RUNX1: variants seen among roughly 807,000 people sequenced by gnomAD.
RUNX1 encodes the protein RUNX family transcription factor 1.
A neutral mutation model predicts 42.8 loss-of-function variants in RUNX1; 19 were observed. The ratio of observed to expected loss-of-function variants is 0.44; its 90% confidence interval spans 0.31 to 0.65. RUNX1 has a LOEUF of 0.65. RUNX1 is among the 30% of genes least tolerant of loss of function. The probability of loss-of-function intolerance (pLI) is 0.07; values close to 1 mark genes in which losing one functional copy is unlikely to be tolerated. For synonymous variants in RUNX1, 271 were observed against 289.4 expected (o/e 0.94, Z 0.64); for missense variants, 528 against 672.0 (o/e 0.79, Z 2.37).
chr21:34,885,197 C>A (rs1401519039), intron 4 of RUNX1, among the ~76,000 whole-genome samples: 1 of 152,096 alleles, frequency 6.6e-6, no homozygotes. Flanking sequence ...TCTCTTAGAG[C>A]CCTAGTGCAT....
At chr21:34,988,512 C>T (rs1380196284) in intron 2 of RUNX1, among the ~76,000 whole-genome samples, 1 of 152,192 alleles carries the variant, frequency 6.6e-6, no homozygotes, top group African/African-American at 2.4e-5. Flanking sequence ...AAAAACTGTG[C>T]TGTGGGCACT....
intron 2 of RUNX1, among the ~76,000 whole-genome samples, chr21:34,900,899 T>A (rs76448646): frequency 0.015 from 2,233 of 152,356 alleles, 33 homozygotes; most frequent in Middle Eastern, 0.11. Context: ...TCCAATTGGT[T>A]AAACGATACT....
At chr21:34,968,862 C>T (rs577436645) in intron 2 of RUNX1, among the ~76,000 whole-genome samples, 1 of 152,120 alleles carries the variant, frequency 6.6e-6, no homozygotes, top group Non-Finnish European at 1.5e-5. Flanking sequence ...GCAGCGAGTG[C>T]CAAATTCATG....
At chr21:35,030,726 A>T (rs2059267077) in intron 2 of RUNX1, among the ~76,000 whole-genome samples, 1 of 152,176 alleles carries the variant, frequency 6.6e-6, no homozygotes, top group Non-Finnish European at 1.5e-5. Flanking sequence ...GACAACTAGG[A>T]TGGCTTCAAA....
intron 5 of RUNX1, among the ~76,000 whole-genome samples, chr21:34,872,185 A>T (rs2057748233): frequency 6.6e-6 from 1 of 152,184 alleles, no homozygotes; most frequent in Admixed American, 6.5e-5. Flanking sequence ...GTCCACTGAC[A>T]TCAATTCCCA....
At chr21:34,938,891 G>C (rs1181252947) in intron 2 of RUNX1, among the ~76,000 whole-genome samples, 4 of 152,052 alleles carry the variant, frequency 2.6e-5, no homozygotes, top group African/African-American at 7.3e-5. Context: ...ATGTGATCTT[G>C]GTTTTGTTAC....
At chr21:34,821,765 G>GC in intron 7 of RUNX1, 4 of 1,386,122 alleles carry the variant, frequency 2.9e-6, no homozygotes, top group Non-Finnish European at 3.0e-6. Context: ...AGCCGCGAAT[G>GC]CATTCCCCTC....
intron 2 of RUNX1, among the ~76,000 whole-genome samples, chr21:34,965,677 T>C (rs879625250): frequency 6.7e-6 from 1 of 150,032 alleles, no homozygotes; most frequent in Non-Finnish European, 1.5e-5. Flanking sequence ...CTGGTGGTCA[T>C]ACTCACCAGT....
chr21:34,838,482 G>C (rs994098529), intron 6 of RUNX1, among the ~76,000 whole-genome samples: 6 of 152,136 alleles, frequency 3.9e-5, no homozygotes, highest in Non-Finnish European at 5.9e-5. Flanking sequence ...ATACCAAAAA[G>C]ATATATTTCT....
intron 2 of RUNX1, among the ~76,000 whole-genome samples, chr21:34,951,703 T>C (rs937725516): frequency 5.9e-5 from 9 of 152,184 alleles, no homozygotes; most frequent in African/African-American, 1.9e-4. Flanking sequence ...GTTAGAATGG[T>C]GATCATTAAA....
intron 2 of RUNX1, among the ~76,000 whole-genome samples, chr21:34,999,038 T>C (rs565666820): frequency 6.6e-6 from 1 of 152,328 alleles, no homozygotes; most frequent in African/African-American, 2.4e-5. Context: ...GGAGGTCTGT[T>C]CTTAGGTGAA....
chr21:34,943,461 T>C (rs887304293), intron 2 of RUNX1, among the ~76,000 whole-genome samples: 2 of 152,156 alleles, frequency 1.3e-5, no homozygotes, highest in African/African-American at 4.8e-5. Flanking sequence ...GTACTTCACA[T>C]GAATTGCCAG....
intron 4 of RUNX1, among the ~76,000 whole-genome samples, chr21:34,885,809 A>C (rs1056610742): frequency 1.7e-4 from 26 of 152,130 alleles, no homozygotes; most frequent in African/African-American, 6.0e-4. Context: ...TCGCCCTTTA[A>C]ACGAACAGGA....
chr21:34,813,381 C>T (rs1238652716), intron 7 of RUNX1, among the ~76,000 whole-genome samples: 1 of 152,158 alleles, frequency 6.6e-6, no homozygotes, highest in African/African-American at 2.4e-5. Flanking sequence ...AGGTGCTCTT[C>T]AGGATCGGGG....
intron 6 of RUNX1, among the ~76,000 whole-genome samples, chr21:34,854,428 T>C (rs1042875798): frequency 1.3e-5 from 2 of 151,482 alleles, no homozygotes; most frequent in Non-Finnish European, 2.9e-5. Context: ...ATGAAAAAAA[T>C]TAAAAAATTA....
rs573904287 is a variant in RUNX1 at position 34,924,979 on chromosome 21, A to AGAGCTTGCCT, written c.59-32017_59-32016insAGGCAAGCTC. Among the ~76,000 whole-genome samples, 708 of 152,140 alleles carry AGAGCTTGCCT rather than the reference A, an allele frequency of 4.7e-3. 4 individuals carry two copies. The highest frequency in any genetic ancestry group is 0.016 in the African/African-American group (683 of 41,464). On this transcript the variant is annotated intron_variant, in intron 2 of 8. Coordinates refer to ENST00000675419, the MANE Select transcript of RUNX1 (RefSeq NM_001754.5). ...TATTCATGAAGATTTCATCATCATGACCTAATTACTTCCCAAAGGCCCCAC... is the reference window on the plus strand; with the variant it reads ...TATTCATGAAGATTTCATCATCATGAGAGCTTGCCTCCTAATTACTTCCCAAAGGCCCCAC...
intron 2 of RUNX1, among the ~76,000 whole-genome samples, chr21:35,010,179 AT>A (rs2059115151): frequency 6.7e-6 from 1 of 150,088 alleles, no homozygotes; most frequent in Non-Finnish European, 1.5e-5. Flanking sequence ...CATATTGCAT[AT>A]TTTGGTTTCA....
chr21:34,825,873 G>A (rs1026342947), intron 7 of RUNX1, among the ~76,000 whole-genome samples: 2 of 152,186 alleles, frequency 1.3e-5, no homozygotes, highest in Non-Finnish European at 2.9e-5. Flanking sequence ...TATAAAGAGG[G>A]AAGAAGAAGT....
chr21:34,955,048 G>A (rs1365386419), intron 2 of RUNX1, among the ~76,000 whole-genome samples: 1 of 152,088 alleles, frequency 6.6e-6, no homozygotes, highest in Admixed American at 6.5e-5. Context: ...TTCAGCCCCA[G>A]ATTTTTATCT....
Sources: gnomAD v4.1 joint callset for allele counts (sites outside exome capture counted in the v4.1 genomes callset) on GRCh38, gnomAD v4.1.1 for gene constraint, MANE v1.5 for transcripts, NCBI Gene and HGNC (gene_info 2026-07-23, HGNC 2026-07-21) for gene names.